Variants in DCDC2 observed in about 807,000 individuals in gnomAD.
DCDC2 encodes the protein doublecortin domain-containing protein 2.
A neutral mutation model predicts 50.2 loss-of-function variants in DCDC2; 40 were observed. The ratio of observed to expected loss-of-function variants is 0.80; its 90% CI spans 0.62 to 1.04. The LOEUF is 1.04. Among genes scored for constraint, DCDC2 ranks in the 50% least tolerant of loss-of-function variants. The pLI is 0.00. For missense variants in DCDC2, 570 were observed against 581.9 expected, an observed-to-expected ratio of 0.98 and a Z score of 0.21; for synonymous variants, 234 against 210.6, an observed-to-expected ratio of 1.11 and a Z score of -0.96.
intron 8 of DCDC2, among the ~76,000 whole-genome samples, chr6:24,188,144 G>A (rs1761243800): frequency 6.6e-6 from 1 of 152,190 alleles, no homozygotes; most frequent in Admixed American, 6.5e-5. Flanking sequence ...TGCAAAGTGT[G>A]AGTCATGAGT....
chr6:24,286,507 C>T (rs970884339), intron 6 of DCDC2, among the ~76,000 whole-genome samples: 2 of 151,426 alleles, frequency 1.3e-5, no homozygotes, highest in Non-Finnish European at 2.9e-5. Flanking sequence ...GTGAGAGGAT[C>T]GCTTGAGCCT....
At chr6:24,286,058 T>C (rs1340731425) in intron 6 of DCDC2, among the ~76,000 whole-genome samples, 1 of 152,218 alleles carries the variant, frequency 6.6e-6, no homozygotes, top group Non-Finnish European at 1.5e-5. Context: ...GCTCTGATAT[T>C]GTTTTCACCT....
At chr6:24,235,110 T>G (rs1015335335) in intron 7 of DCDC2, among the ~76,000 whole-genome samples, 1 of 152,186 alleles carries the variant, frequency 6.6e-6, no homozygotes, top group Non-Finnish European at 1.5e-5. Context: ...TAGCACTTAA[T>G]TTAGCTATAT....
rs751932909 is a variant in DCDC2 at position 24,291,067 on chromosome 6, A to G, written c.569T>C (p.Leu190Ser). Residue 190 changes from leucine (L) to serine (S), a missense_variant, in exon 5 of 10, where the codon TTA (leucine) becomes TCA (serine). Physicochemically the swap from Leu to Ser is moderately radical, Grantham distance 145 (BLOSUM62 -2). Transcript: ENST00000378454. ...TCCACTCTCAACAAGTTTTCCTTCT[A>G]AAGTATAAAGCCTGTCGAAAATATG... is the stretch of plus-strand genomic sequence containing the variant. ...RSGAVHRLYTLEGKLVESGAE... is the reference protein window; with the variant it reads ...RSGAVHRLYTSEGKLVESGAE... The G allele has an allele frequency of 5.0e-6, 8 of 1,612,652 alleles. No individual in the cohort carries two copies. The highest frequency in any genetic ancestry group is 1.7e-5 in the Admixed American group (1 of 59,518).
chr6:24,271,039 T>C (rs749023255), intron 7 of DCDC2, among the ~76,000 whole-genome samples: 2 of 151,528 alleles, frequency 1.3e-5, no homozygotes, highest in Non-Finnish European at 2.9e-5. Flanking sequence ...CTGGGCAACA[T>C]GGTGAAACCC....
chr6:24,283,242 T>C (rs951977635), intron 6 of DCDC2, among the ~76,000 whole-genome samples: 2 of 152,214 alleles, frequency 1.3e-5, no homozygotes, highest in African/African-American at 4.8e-5. Context: ...ACATCTTCCT[T>C]TTGTTTTTAA....
intron 7 of DCDC2, among the ~76,000 whole-genome samples, chr6:24,245,241 G>A (rs1762645000): frequency 6.6e-6 from 1 of 152,174 alleles, no homozygotes; most frequent in South Asian, 2.1e-4. Flanking sequence ...CAATCTCAGT[G>A]CTTCAAGAGG....
At chr6:24,191,501 A>G (rs1286703390) in intron 8 of DCDC2, among the ~76,000 whole-genome samples, 2 of 152,196 alleles carry the variant, frequency 1.3e-5, no homozygotes, top group Non-Finnish European at 2.9e-5. Flanking sequence ...TTTATAATTG[A>G]AAACAGATGA....
intron 7 of DCDC2, among the ~76,000 whole-genome samples, chr6:24,238,401 C>A (rs902243198): frequency 6.6e-6 from 1 of 151,244 alleles, no homozygotes; most frequent in Admixed American, 6.6e-5. Context: ...CGGGTTCAAG[C>A]GATTATCATG....
At chr6:24,313,440 T>C (rs992358676) in intron 2 of DCDC2, among the ~76,000 whole-genome samples, 1 of 152,260 alleles carries the variant, frequency 6.6e-6, no homozygotes, top group African/African-American at 2.4e-5. Flanking sequence ...TTTCTTAACT[T>C]ACTACACCAT....
chr6:24,381,438 GAGAC>G, the DCDC2 span, among the ~76,000 whole-genome samples: 1 of 152,302 alleles, frequency 6.6e-6, no homozygotes, highest in South Asian at 2.1e-4. Context: ...GAGAGATAGA[GAGAC>G]AGAGACAGAG....
intron 7 of DCDC2, among the ~76,000 whole-genome samples, chr6:24,231,667 G>C (rs971901654): frequency 2.0e-5 from 3 of 151,920 alleles, no homozygotes; most frequent in African/African-American, 7.3e-5. Context: ...AGGGAAAATG[G>C]TGAAGAGGGG....
At chr6:24,310,416 A>T (rs807685) in intron 2 of DCDC2, among the ~76,000 whole-genome samples, 117,041 of 152,076 alleles carry the variant, frequency 0.77, 47,678 homozygotes, top group East Asian at 0.99. Flanking sequence ...ACAGTTCAGC[A>T]ATATGTTGTC....
the DCDC2 span, among the ~76,000 whole-genome samples, chr6:24,370,989 A>G: frequency 6.6e-6 from 1 of 152,202 alleles, no homozygotes; most frequent in African/African-American, 2.4e-5. Flanking sequence ...ATTAAGGACT[A>G]TTACTGAGGA....
intron 8 of DCDC2, among the ~76,000 whole-genome samples, chr6:24,196,223 C>CT (rs11347091): frequency 9.5e-5 from 14 of 147,574 alleles, no homozygotes; most frequent in South Asian, 8.7e-4. Flanking sequence ...TAATAATTGG[C>CT]TTTTTTTTTT....
chr6:24,368,960 C>A, the DCDC2 span, among the ~76,000 whole-genome samples: 222 of 151,960 alleles, frequency 1.5e-3, no homozygotes, highest in African/African-American at 5.0e-3. Flanking sequence ...ATGGCGAAAC[C>A]CCGTCTCTAC....
intron 8 of DCDC2, among the ~76,000 whole-genome samples, chr6:24,185,688 TACACACACACACACACACACACAC>T (rs35379687): frequency 6.9e-6 from 1 of 144,394 alleles, no homozygotes; most frequent in Non-Finnish European, 1.5e-5. Flanking sequence ...TCCATACACA[TACACACACACACACACACACACAC>T]ACACACACAC....
chr6:24,306,531 T>TAGACAGAC (rs1220137303), intron 2 of DCDC2, among the ~76,000 whole-genome samples: 8 of 138,812 alleles, frequency 5.8e-5, no homozygotes, highest in African/African-American at 2.3e-4. Context: ...GATAGATAGA[T>TAGACAGAC]AGATAGATAG....
intron 7 of DCDC2, among the ~76,000 whole-genome samples, chr6:24,222,253 A>G (rs1252624258): frequency 2.0e-5 from 3 of 152,256 alleles, no homozygotes; most frequent in South Asian, 4.1e-4. Context: ...GTTTGAGTCT[A>G]GCGGGCGCCT....
Sources: allele counts gnomAD v4.1 joint callset (sites outside exome capture counted in the v4.1 genomes callset), GRCh38; gene constraint gnomAD v4.1.1; transcripts MANE v1.5; gene names NCBI Gene and HGNC (gene_info 2026-07-23, HGNC 2026-07-21).